Variants in FAAH2 observed in about 807,000 individuals in gnomAD.
FAAH2 encodes fatty acid amide hydrolase 2, also known as fatty-acid amide hydrolase 2.
In FAAH2, 60 loss-of-function variants were observed where a neutral mutation model predicts 36.9. The observed-to-expected ratio is 1.63, with a 90% CI of 1.32 to 2.02. The LOEUF (loss-of-function observed/expected upper bound fraction) is 2.02, where lower values mean the gene tolerates loss of function less well. Ranked by LOEUF, FAAH2 falls within the 30% of genes most tolerant of loss-of-function variation. The pLI is 0.00. For synonymous variants in FAAH2, 214 were observed against 143.8 expected, an observed-to-expected ratio of 1.49 and a Z score of -3.49; for missense variants, 689 against 397.5, an observed-to-expected ratio of 1.73 and a Z score of -6.23.
At chrX:57,457,506 A>T (rs2056882603) in intron 10 of FAAH2, among the ~76,000 whole-genome samples, 1 of 109,876 alleles carries the variant, frequency 9.1e-6, no homozygotes, top group Non-Finnish European at 1.9e-5. Flanking sequence ...AGAAAATCAA[A>T]CTCTCTCTCT....
At chrX:57,359,283 C>G (rs759550192) in intron 5 of FAAH2, among the ~76,000 whole-genome samples, 1 of 111,234 alleles carries the variant, frequency 9.0e-6, no homozygotes, top group South Asian at 3.8e-4. Context: ...ACATACCAAC[C>G]TGTTTATATA....
At chrX:57,398,290 T>C (rs2055353016) in intron 7 of FAAH2, among the ~76,000 whole-genome samples, 1 of 112,212 alleles carries the variant, frequency 8.9e-6, no homozygotes, top group Admixed American at 9.4e-5. Flanking sequence ...ATTTGTTTTT[T>C]CACATTGAAC....
the FAAH2 span, among the ~76,000 whole-genome samples, chrX:57,239,303 G>A: frequency 9.0e-6 from 1 of 111,142 alleles, no homozygotes; most frequent in Admixed American, 9.6e-5. Flanking sequence ...TTTCTCATTT[G>A]TTTATGAAGA....
chrX:57,361,021 G>T (rs1323338832), intron 5 of FAAH2, among the ~76,000 whole-genome samples: 3 of 111,428 alleles, frequency 2.7e-5, no homozygotes, highest in Non-Finnish European at 5.7e-5. Context: ...CCTTTTTATG[G>T]TTGCATAGTA....
At chrX:57,354,998 T>C (rs1344383623) in intron 5 of FAAH2, among the ~76,000 whole-genome samples, 1 of 111,217 alleles carries the variant, frequency 9.0e-6, no homozygotes, top group Admixed American at 9.6e-5. Context: ...GTTCATTTTC[T>C]TCTTACTTTT....
chrX:57,447,092 A>C, intron 9 of FAAH2, 53 bp downstream of exon 9: 2 of 912,890 alleles, frequency 2.2e-6, no homozygotes, highest in Non-Finnish European at 3.0e-6. Context: ...AATATTTCTT[A>C]ATATCTAAAT....
intron 5 of FAAH2, among the ~76,000 whole-genome samples, chrX:57,358,547 C>T (rs1035199742): frequency 2.7e-5 from 3 of 111,241 alleles, no homozygotes; most frequent in Admixed American, 9.6e-5. Flanking sequence ...CAACAATTTC[C>T]ATTATATATG....
the FAAH2 span, among the ~76,000 whole-genome samples, chrX:57,161,481 T>A: frequency 9.0e-6 from 1 of 111,215 alleles, no homozygotes; most frequent in Admixed American, 9.6e-5. Context: ...CCCATTATTA[T>A]TGTGTGGGAG....
chrX:57,289,107 G>A (rs1006824687), intron 1 of FAAH2, among the ~76,000 whole-genome samples: 4 of 111,892 alleles, frequency 3.6e-5, no homozygotes, highest in African/African-American at 1.3e-4. Flanking sequence ...ACATTTTGAG[G>A]TACATATGAT....
the FAAH2 span, among the ~76,000 whole-genome samples, chrX:57,216,544 GTATATGTATA>G: frequency 0.14 from 3,617 of 25,739 alleles, 610 homozygotes; most frequent in African/African-American, 0.42. Flanking sequence ...ATATATATAC[GTATATGTATA>G]TATATATATA....
At chrX:57,404,219 CTT>C (rs1454660538) in intron 7 of FAAH2, among the ~76,000 whole-genome samples, 1 of 112,118 alleles carries the variant, frequency 8.9e-6, no homozygotes, top group African/African-American at 3.2e-5. Flanking sequence ...ATGGAGAAAA[CTT>C]TCAGTTATCA....
Position 57,393,618 on chromosome X carries a change from C to T in FAAH2, c.996+12589C>T, listed in dbSNP as rs746610754. 3.4e-5 allele frequency: 30 copies of T among 889,098 alleles called. No homozygotes were observed. The African/African-American group carries it at 5.5e-4, about 16-fold the overall frequency. The allele number at this position is 889,098 out of a possible 1,213,427, so 73.3% of individuals were successfully genotyped here. A position where few individuals can be genotyped will look rare whatever the true frequency, so the allele number is the denominator to read the frequency against. On this transcript the variant is annotated intron_variant, in intron 7 of 10. Coordinates refer to ENST00000374900, the MANE Select transcript of FAAH2 (RefSeq NM_174912.4). Reference sequence around the variant, plus strand: ...GTGTCCTTCATAAGCACTATCAATGCACCACTCACCCCCAGATCTTCAGCA... The same window carrying T: ...GTGTCCTTCATAAGCACTATCAATGTACCACTCACCCCCAGATCTTCAGCA...
the FAAH2 span, among the ~76,000 whole-genome samples, chrX:57,140,893 G>T: frequency 9.0e-6 from 1 of 111,623 alleles, no homozygotes; most frequent in Admixed American, 9.5e-5. Flanking sequence ...CTATTTGGGT[G>T]ATGGGTTCAG....
At chrX:57,482,216 T>C (rs1034939503) in intron 10 of FAAH2, among the ~76,000 whole-genome samples, 2 of 111,741 alleles carry the variant, frequency 1.8e-5, no homozygotes, top group Non-Finnish European at 3.8e-5. Flanking sequence ...CTAGGCTCCC[T>C]GGCTTCAGAC....
At chrX:57,449,163 C>A (rs2056738825) in intron 10 of FAAH2, among the ~76,000 whole-genome samples, 1 of 112,136 alleles carries the variant, frequency 8.9e-6, no homozygotes, top group Non-Finnish European at 1.9e-5. Flanking sequence ...TCAATTCATT[C>A]TATTCACCAA....
At chrX:57,315,712 C>T (rs761669112) in intron 3 of FAAH2, among the ~76,000 whole-genome samples, 1 of 111,503 alleles carries the variant, frequency 9.0e-6, no homozygotes, top group African/African-American at 3.2e-5. Flanking sequence ...TTCAACACCC[C>T]TTCTTTATAC....
intron 5 of FAAH2, among the ~76,000 whole-genome samples, chrX:57,375,869 A>G (rs1602450433): frequency 8.9e-6 from 1 of 111,782 alleles, no homozygotes; most frequent in East Asian, 2.8e-4. Flanking sequence ...TTTTCCTTTG[A>G]CACTTAGGTT....
At position 57,464,860 on chromosome X, in the gene FAAH2, C is replaced by CA. The variant is rs775311745; in HGVS notation, c.1423+16150dup. 8.8e-4 allele frequency among the ~76,000 whole-genome samples: 97 copies of CA among 109,952 alleles called. 1 individual carries two copies. The highest frequency in any genetic ancestry group is 2.0e-3 in the East Asian group (7 of 3,515). ...AATATATAATAAAAGTTGAAATTAA[C>CA]AAAAAAAACAATGACAACAAAAACA... On this transcript the variant is annotated intron_variant, in intron 10 of 10. Coordinates refer to ENST00000374900, the MANE Select transcript of FAAH2 (RefSeq NM_174912.4).
chrX:57,163,339 G>T, the FAAH2 span, among the ~76,000 whole-genome samples: 405 of 112,250 alleles, frequency 3.6e-3, 4 homozygotes, highest in African/African-American at 0.012. Context: ...GCCCCCAGAG[G>T]TGGAGCCTAC....
Sources: allele counts gnomAD v4.1 joint callset (sites outside exome capture counted in the v4.1 genomes callset), GRCh38; gene constraint gnomAD v4.1.1; transcripts MANE v1.5; gene names NCBI Gene and HGNC (gene_info 2026-07-23, HGNC 2026-07-21).